MAST4: variants seen among roughly 807,000 people sequenced by gnomAD.
The protein encoded by MAST4 is microtubule associated serine/threonine kinase family member 4, also known as microtubule-associated serine/threonine-protein kinase 4.
In MAST4, 89 loss-of-function variants were observed where a neutral mutation model predicts 162.7. The ratio of observed to expected loss-of-function variants is 0.55; its 90% CI spans 0.46 to 0.65. The LOEUF (loss-of-function observed/expected upper bound fraction) is 0.65. Ranked by LOEUF, MAST4 falls within the 30% of genes least tolerant of loss-of-function variation. The pLI is 0.00. For synonymous variants in MAST4, 1,479 were observed against 1,361.1 expected (o/e 1.09, Z -1.91); for missense variants, 3,153 against 3,374.0 (o/e 0.93, Z 1.62).
intron 4 of MAST4, among the ~76,000 whole-genome samples, chr5:66,947,650 A>C (rs1744193479): frequency 6.6e-6 from 1 of 152,214 alleles, no homozygotes; most frequent in African/African-American, 2.4e-5. Context: ...GCCTTATATA[A>C]TCCTCCTCCG....
chr5:66,803,043 T>C (rs1005959561), intron 3 of MAST4, among the ~76,000 whole-genome samples: 2 of 152,230 alleles, frequency 1.3e-5, no homozygotes, highest in African/African-American at 4.8e-5. Context: ...AGTACTGACG[T>C]TTCTTGGCTC....
In MAST4 at chr5:67,166,052, T is replaced by G; in HGVS notation, c.6873T>G (p.Gly2291=). 1 of 1,613,520 alleles carries G rather than the reference T, an allele frequency of 6.2e-7. No homozygotes were observed. Among genetic ancestry groups the G allele is most frequent in the Non-Finnish European group, 8.5e-7 (1 of 1,179,688 alleles). The change falls in exon 29 of 29, where the codon GGT becomes GGG. Residue 2291 remains glycine (G), a synonymous_variant. Coordinates refer to ENST00000403625, the MANE Select transcript of MAST4 (RefSeq NM_001164664.2). ...PLDAKPQPTS[G]GRPLEVLEKP... ...ACGCCAAGCCACAACCCACCAGTGG[T>G]GGGCGGCCCCTGGAGGTGCTGGAGA... is the stretch of plus-strand genomic sequence containing the variant.
At chr5:67,066,490 T>C (rs1760249175) in intron 5 of MAST4, among the ~76,000 whole-genome samples, 1 of 151,820 alleles carries the variant, frequency 6.6e-6, no homozygotes, top group Non-Finnish European at 1.5e-5. Flanking sequence ...ATTTTATGTC[T>C]ATATCATTTT....
At chr5:66,997,722 C>A (rs971888583) in intron 4 of MAST4, among the ~76,000 whole-genome samples, 4 of 152,136 alleles carry the variant, frequency 2.6e-5, no homozygotes, top group Non-Finnish European at 5.9e-5. Flanking sequence ...CCACCATGCC[C>A]AGCCTGATTG....
At chr5:66,862,687 T>C (rs528087440) in intron 3 of MAST4, among the ~76,000 whole-genome samples, 1 of 152,354 alleles carries the variant, frequency 6.6e-6, no homozygotes, top group African/African-American at 2.4e-5. Context: ...ATTTGAACTA[T>C]GACATGAGCC....
At chr5:67,102,440 A>G (rs1055723208) in intron 8 of MAST4, 96 bp from the exon 9 acceptor site, 1 of 1,085,212 alleles carries the variant, frequency 9.2e-7, no homozygotes, top group East Asian at 2.4e-5. Context: ...CAAAGGTTGC[A>G]TAGTACTTTT....
At chr5:67,002,338 A>G (rs1751389802) in intron 4 of MAST4, among the ~76,000 whole-genome samples, 1 of 152,170 alleles carries the variant, frequency 6.6e-6, no homozygotes, top group Non-Finnish European at 1.5e-5. Flanking sequence ...GAGAAATAAG[A>G]GATACTTGGG....
At chr5:66,863,040 G>C (rs1425503725) in intron 3 of MAST4, among the ~76,000 whole-genome samples, 1 of 152,212 alleles carries the variant, frequency 6.6e-6, no homozygotes, top group South Asian at 2.1e-4. Flanking sequence ...GGGTTGGGAA[G>C]TAAATTTGAA....
chr5:66,754,900 G>T (rs1234772406), intron 1 of MAST4, among the ~76,000 whole-genome samples: 1 of 152,152 alleles, frequency 6.6e-6, no homozygotes, highest in African/African-American at 2.4e-5. Flanking sequence ...GCTAATATCT[G>T]GAATGTGTCG....
intron 4 of MAST4, among the ~76,000 whole-genome samples, chr5:66,932,924 ATAT>A (rs974403212): frequency 1.3e-5 from 2 of 152,254 alleles, no homozygotes; most frequent in African/African-American, 4.8e-5. Context: ...GGCTTTCAAA[ATAT>A]TATTTAGTGG....
Position 67,166,589 on chromosome 5 carries a change from C to A in MAST4, c.7410C>A (p.Ala2470=), listed in dbSNP as rs760872240. 6.2e-7 allele frequency: 1 copy of A among 1,602,716 alleles called. No homozygotes were observed. The highest frequency in any genetic ancestry group is 1.7e-5 in the Admixed American group (1 of 58,512). ...SCSSSFPETR[A]GVREASAASS... is the part of the protein sequence containing the mutation. Reference sequence around the variant, plus strand: ...CCTCCAGCTTCCCTGAAACCAGGGCCGGAGTTAGAGAGGCCTCTGCAGCCA... The same window carrying A: ...CCTCCAGCTTCCCTGAAACCAGGGCAGGAGTTAGAGAGGCCTCTGCAGCCA... The change falls in exon 29 of 29, where the codon GCC becomes GCA. Residue 2470 remains alanine, a synonymous_variant. Transcript: ENST00000403625.
chr5:66,976,436 C>A (rs888614438), intron 4 of MAST4, among the ~76,000 whole-genome samples: 1 of 152,216 alleles, frequency 6.6e-6, no homozygotes, highest in Non-Finnish European at 1.5e-5. Context: ...AAGCACAATA[C>A]TGGGGAGATG....
intron 1 of MAST4, among the ~76,000 whole-genome samples, chr5:66,694,776 C>T (rs370119781): frequency 1.6e-3 from 239 of 152,294 alleles, no homozygotes; most frequent in African/African-American, 5.6e-3. Context: ...TGTGAGCCAC[C>T]ACGCCCAGCC....
intron 4 of MAST4, among the ~76,000 whole-genome samples, chr5:66,926,682 A>T (rs867177353): frequency 6.6e-6 from 1 of 151,790 alleles, no homozygotes; most frequent in Middle Eastern, 3.2e-3. Flanking sequence ...ATATATATAT[A>T]TTTCCATTAT....
intron 13 of MAST4, among the ~76,000 whole-genome samples, chr5:67,119,918 A>G (rs1767371852): frequency 6.6e-6 from 1 of 152,200 alleles, no homozygotes; most frequent in Admixed American, 6.5e-5. Context: ...TAGTGAGTGA[A>G]TTACCTTCTG....
At chr5:66,977,053 G>T (rs1278138702) in intron 4 of MAST4, among the ~76,000 whole-genome samples, 1 of 152,072 alleles carries the variant, frequency 6.6e-6, no homozygotes. Context: ...TCAGCATCAG[G>T]GCTGATATAG....
intron 4 of MAST4, among the ~76,000 whole-genome samples, chr5:67,040,515 A>G (rs1240919134): frequency 6.6e-6 from 1 of 152,200 alleles, no homozygotes; most frequent in Non-Finnish European, 1.5e-5. Flanking sequence ...GTATCCTGGG[A>G]TAAAACTCAT....
At chr5:66,895,488 A>G (rs1762626472) in intron 3 of MAST4, among the ~76,000 whole-genome samples, 1 of 152,128 alleles carries the variant, frequency 6.6e-6, no homozygotes, top group South Asian at 2.1e-4. Context: ...TCTTACAGAC[A>G]GACATCTTGA....
intron 3 of MAST4, among the ~76,000 whole-genome samples, chr5:66,793,235 A>G (rs1183314460): frequency 2.6e-5 from 4 of 152,226 alleles, no homozygotes; most frequent in Admixed American, 2.0e-4. Flanking sequence ...TTTCAGATAA[A>G]TGGCATGTTG....
Sources: gnomAD v4.1 joint callset for allele counts (sites outside exome capture counted in the v4.1 genomes callset) on GRCh38, gnomAD v4.1.1 for gene constraint, MANE v1.5 for transcripts, NCBI Gene and HGNC (gene_info 2026-07-23, HGNC 2026-07-21) for gene names.